TNIK: variants seen among roughly 807,000 people sequenced by gnomAD.
The protein encoded by TNIK is TRAF2 and NCK-interacting protein kinase.
In TNIK, 49 loss-of-function variants were observed where a neutral mutation model predicts 191.3. That is an observed-to-expected ratio of 0.26 (90% CI 0.20 to 0.32). The LOEUF (loss-of-function observed/expected upper bound fraction) is 0.32. Among genes scored for constraint, TNIK ranks in the 10% least tolerant of loss-of-function variants. The pLI, the probability that TNIK is intolerant of heterozygous loss-of-function variation, is 1.00. For missense variants in TNIK, 1,155 were observed against 1,702.3 expected, an observed-to-expected ratio of 0.68 and a Z score of 5.66; for synonymous variants, 594 against 600.9, an observed-to-expected ratio of 0.99 and a Z score of 0.17.
intron 1 of TNIK, among the ~76,000 whole-genome samples, chr3:171,383,096 C>T (rs1162055813): frequency 6.6e-6 from 1 of 152,128 alleles, no homozygotes; most frequent in Non-Finnish European, 1.5e-5. Context: ...GCCTCCAATG[C>T]CAAAACATAC....
rs117926252 is a variant in TNIK, at chr3:171,388,659, G to A, written c.58-18974C>T. Among the ~76,000 whole-genome samples, 85 of 152,296 alleles carry A rather than the reference G, an allele frequency of 5.6e-4. 2 individuals carry two copies. In the East Asian group the frequency reaches 0.014, roughly 26 times the overall value. ...TTGTGTTCTACTTCAACTGCTTTCA[G>A]TTAGTCTGTTCACAAACAACTTCCT... On this transcript the variant is annotated intron_variant, in intron 1 of 32. Transcript: ENST00000436636.
At chr3:171,209,064 G>GGGGT (rs141041586) in intron 4 of TNIK, among the ~76,000 whole-genome samples, 3 of 142,016 alleles carry the variant, frequency 2.1e-5, no homozygotes, top group African/African-American at 8.0e-5. Context: ...CTTTGGAAGG[G>GGGGT]GTGTGTGTGT....
chr3:171,297,302 C>T (rs1162248180), intron 2 of TNIK, among the ~76,000 whole-genome samples: 1 of 152,168 alleles, frequency 6.6e-6, no homozygotes, highest in African/African-American at 2.4e-5. Flanking sequence ...AGAGGGGAGA[C>T]AAATAAGGCG....
intron 2 of TNIK, among the ~76,000 whole-genome samples, chr3:171,363,081 G>T (rs1235158373): frequency 1.3e-5 from 2 of 152,146 alleles, no homozygotes; most frequent in East Asian, 3.9e-4. Context: ...GGAAAAACTG[G>T]AGACATTTTC....
intron 1 of TNIK, among the ~76,000 whole-genome samples, chr3:171,433,259 G>A (rs1725591262): frequency 6.6e-6 from 1 of 152,094 alleles, no homozygotes; most frequent in Admixed American, 6.6e-5. Context: ...ATTTATGGCT[G>A]TAAAACCAAA....
At chr3:171,160,991 T>C (rs1733912474) in intron 11 of TNIK, among the ~76,000 whole-genome samples, 1 of 152,212 alleles carries the variant, frequency 6.6e-6, no homozygotes, top group Admixed American at 6.5e-5. Flanking sequence ...ATTAGCCTTC[T>C]ACCCATTCTA....
intron 1 of TNIK, among the ~76,000 whole-genome samples, chr3:171,388,044 A>T (rs1018065901): frequency 6.6e-6 from 1 of 152,198 alleles, no homozygotes; most frequent in African/African-American, 2.4e-5. Context: ...GAACTAATTG[A>T]CTATTTAATG....
intron 2 of TNIK, among the ~76,000 whole-genome samples, chr3:171,263,299 A>T (rs924619054): frequency 6.6e-6 from 1 of 152,210 alleles, no homozygotes; most frequent in Non-Finnish European, 1.5e-5. Context: ...AGTTTTGTTC[A>T]TAGGAGGATA....
chr3:171,297,692 T>C (rs943443492), intron 2 of TNIK, among the ~76,000 whole-genome samples: 3 of 152,216 alleles, frequency 2.0e-5, no homozygotes, highest in African/African-American at 7.2e-5. Context: ...CTTTCACATA[T>C]CTTCATCAGC....
intron 2 of TNIK, among the ~76,000 whole-genome samples, chr3:171,245,870 T>C (rs1190777666): frequency 2.6e-5 from 4 of 151,990 alleles, no homozygotes; most frequent in Non-Finnish European, 1.5e-5. Context: ...TTGATTTAAG[T>C]AAATCAACAT....
chr3:171,286,020 T>C (rs1241161898), intron 2 of TNIK, among the ~76,000 whole-genome samples: 1 of 152,248 alleles, frequency 6.6e-6, no homozygotes, highest in African/African-American at 2.4e-5. Context: ...TTAGCATTCT[T>C]GGGAGATGTC....
chr3:171,384,169 C>T (rs1406116946), intron 1 of TNIK, among the ~76,000 whole-genome samples: 1 of 152,206 alleles, frequency 6.6e-6, no homozygotes, highest in Admixed American at 6.5e-5. Context: ...TAAGGTCCTC[C>T]CATTACACTC....
rs79960083 is a variant in TNIK, at chr3:171,457,606, T to G, written c.57+2401A>C. Among the ~76,000 whole-genome samples, 689 of 152,288 alleles carry G rather than the reference T, an allele frequency of 4.5e-3. 2 individuals are homozygous for G. The highest frequency in any genetic ancestry group is 7.2e-3 in the Non-Finnish European group (491 of 68,022). ...GTGGCAAGGTGGAGATGATCTGCCC[T>G]CTGATTTGTGGAGATTACCTATGTG... is the stretch of plus-strand genomic sequence containing the variant. On this transcript the variant is annotated intron_variant, in intron 1 of 32. Transcript: ENST00000436636.
intron 12 of TNIK, among the ~76,000 whole-genome samples, chr3:171,147,872 G>A (rs779721635): frequency 1.2e-4 from 18 of 151,966 alleles, no homozygotes; most frequent in South Asian, 2.1e-4. Flanking sequence ...GCCTCATTTG[G>A]GTCCACAAGA....
chr3:171,165,463 G>C (rs181304656), intron 10 of TNIK, among the ~76,000 whole-genome samples: 1 of 148,940 alleles, frequency 6.7e-6, no homozygotes. Context: ...CCTTCACTGA[G>C]ATTCTCTCAT....
At chr3:171,304,091 A>G (rs1753163823) in intron 2 of TNIK, among the ~76,000 whole-genome samples, 1 of 152,090 alleles carries the variant, frequency 6.6e-6, no homozygotes, top group Non-Finnish European at 1.5e-5. Context: ...GAGAGGAATT[A>G]TGTAAAAAGA....
intron 2 of TNIK, among the ~76,000 whole-genome samples, chr3:171,340,934 ATAAG>A (rs1450669690): frequency 5.9e-5 from 9 of 152,256 alleles, no homozygotes; most frequent in African/African-American, 2.2e-4. Flanking sequence ...AAATTTGGAA[ATAAG>A]TAAGCTGTTC....
At chr3:171,314,421 A>T (rs1255290416) in intron 2 of TNIK, among the ~76,000 whole-genome samples, 1 of 152,172 alleles carries the variant, frequency 6.6e-6, no homozygotes, top group Non-Finnish European at 1.5e-5. Flanking sequence ...ATCCATGTAG[A>T]GCCTATGGCT....
chr3:171,228,889 CTTTG>C (rs1288676873), intron 2 of TNIK, among the ~76,000 whole-genome samples: 2 of 152,208 alleles, frequency 1.3e-5, no homozygotes, highest in Non-Finnish European at 2.9e-5. Context: ...ATTATTTTCT[CTTTG>C]TTTGCTCCTT....
Sources: allele counts gnomAD v4.1 joint callset (sites outside exome capture counted in the v4.1 genomes callset), GRCh38; gene constraint gnomAD v4.1.1; transcripts MANE v1.5; gene names NCBI Gene and HGNC (gene_info 2026-07-23, HGNC 2026-07-21).